Variants in CCDC148 observed in about 807,000 individuals in gnomAD.
CCDC148 encodes coiled-coil domain containing 148.
Under a neutral mutation model 85.7 loss-of-function variants are expected in CCDC148, and 89 were observed. The observed-to-expected ratio is 1.04, with a 90% CI of 0.87 to 1.24. The LOEUF (loss-of-function observed/expected upper bound fraction) is 1.24. Ranked by LOEUF, CCDC148 falls within the 50% of genes most tolerant of loss-of-function variation. The pLI is 0.00. For missense variants in CCDC148, 692 were observed against 671.7 expected (o/e 1.03, Z -0.33); for synonymous variants, 230 against 213.9 (o/e 1.08, Z -0.66).
At chr2:158,289,977 T>C (rs1185874025) in intron 9 of CCDC148, among the ~76,000 whole-genome samples, 1 of 152,154 alleles carries the variant, frequency 6.6e-6, no homozygotes, top group African/African-American at 2.4e-5. Context: ...GGGATGCATA[T>C]CCAGTGATAA....
At chr2:158,435,314 G>A (rs1687592245) in intron 1 of CCDC148, among the ~76,000 whole-genome samples, 1 of 152,156 alleles carries the variant, frequency 6.6e-6, no homozygotes, top group African/African-American at 2.4e-5. Context: ...GAGAGTGGGG[G>A]CCAATACTCC....
At chr2:158,203,503 C>A (rs1198973012) in intron 11 of CCDC148, among the ~76,000 whole-genome samples, 1 of 151,886 alleles carries the variant, frequency 6.6e-6, no homozygotes. Context: ...CATACTCCCT[C>A]CAAAAAGAAC....
intron 10 of CCDC148, among the ~76,000 whole-genome samples, chr2:158,238,812 A>G (rs116555475): frequency 0.011 from 1,660 of 152,316 alleles, 25 homozygotes; most frequent in African/African-American, 0.032. Context: ...AAGCCATTAA[A>G]GCGACCCGAA....
chr2:158,203,438 G>A (rs79122799), intron 11 of CCDC148, among the ~76,000 whole-genome samples: 199 of 152,250 alleles, frequency 1.3e-3, no homozygotes, highest in African/African-American at 4.5e-3. Context: ...CCTCTGGCCA[G>A]TGAGGATTTT....
At chr2:158,444,239 A>G (rs908810905) in intron 1 of CCDC148, among the ~76,000 whole-genome samples, 2 of 152,168 alleles carry the variant, frequency 1.3e-5, no homozygotes, top group Admixed American at 1.3e-4. Flanking sequence ...GAAATGACTG[A>G]ATCTTATTAA....
chr2:158,317,109 T>A (rs1460757360), intron 7 of CCDC148, among the ~76,000 whole-genome samples: 3 of 152,194 alleles, frequency 2.0e-5, no homozygotes, highest in African/African-American at 7.2e-5. Flanking sequence ...AATATTCTCA[T>A]CTCTTATCTA....
At chr2:158,334,031 C>A (rs1359041733) in intron 7 of CCDC148, among the ~76,000 whole-genome samples, 2 of 152,096 alleles carry the variant, frequency 1.3e-5, no homozygotes, top group Non-Finnish European at 2.9e-5. Context: ...CTTTTATTCT[C>A]CTGCTGCCAG....
intron 1 of CCDC148, among the ~76,000 whole-genome samples, chr2:158,440,952 C>T (rs1445699258): frequency 6.6e-6 from 1 of 152,106 alleles, no homozygotes; most frequent in African/African-American, 2.4e-5. Context: ...GAGGCTGAGT[C>T]AGGAGCATTG....
intron 10 of CCDC148, among the ~76,000 whole-genome samples, chr2:158,248,431 A>G (rs375942069): frequency 1.3e-5 from 2 of 152,334 alleles, no homozygotes; most frequent in East Asian, 3.9e-4. Context: ...TTATAAATGA[A>G]AAAGTATTTT....
intron 1 of CCDC148, among the ~76,000 whole-genome samples, chr2:158,398,711 A>G (rs1685639669): frequency 6.6e-6 from 1 of 152,208 alleles, no homozygotes; most frequent in African/African-American, 2.4e-5. Flanking sequence ...CACAATTAAA[A>G]GAACAAGAGA....
At chr2:158,215,255 G>T (rs1250219990) in intron 11 of CCDC148, among the ~76,000 whole-genome samples, 1 of 152,178 alleles carries the variant, frequency 6.6e-6, no homozygotes, top group Non-Finnish European at 1.5e-5. Flanking sequence ...ATTAAAATAA[G>T]TTCCAGATGG....
At chr2:158,352,696 C>A (rs1425386768) in intron 2 of CCDC148, among the ~76,000 whole-genome samples, 2 of 151,578 alleles carry the variant, frequency 1.3e-5, no homozygotes, top group Non-Finnish European at 2.9e-5. Context: ...GCAAGGCAGG[C>A]CAATGTTCAG....
chr2:158,258,338 C>T (rs537290787), intron 9 of CCDC148, among the ~76,000 whole-genome samples: 2 of 151,794 alleles, frequency 1.3e-5, no homozygotes, highest in Non-Finnish European at 2.9e-5. Context: ...TAAAGACCAA[C>T]GTTTTTATGT....
intron 11 of CCDC148, among the ~76,000 whole-genome samples, chr2:158,208,817 A>G (rs1359833797): frequency 6.6e-6 from 1 of 152,186 alleles, no homozygotes; most frequent in Non-Finnish European, 1.5e-5. Context: ...TTACCACAAA[A>G]TTTAACTAGA....
chr2:158,306,637 T>C (rs1313393659), intron 9 of CCDC148, among the ~76,000 whole-genome samples: 8 of 151,162 alleles, frequency 5.3e-5, no homozygotes, highest in East Asian at 2.0e-4. Context: ...ACGAGAACAC[T>C]TGGACACAGG....
In CCDC148 at chr2:158,178,909, T is replaced by G. The variant is rs1302385090; in HGVS notation, c.1458A>C (p.Arg486Ser). Residue 486 changes from arginine to serine, a missense_variant, in exon 12 of 14, where the codon AGA (arginine) becomes AGC (serine). Physicochemically the swap from Arg to Ser is moderately radical, Grantham distance 110 (BLOSUM62 -1). Transcript: ENST00000283233. Reference sequence around the variant, plus strand: ...TCCTAAGGGCTTCTAGCCGCCGTGCTCTCTCTTTGTCTTCATGAGCTTCTT... The same window carrying G: ...TCCTAAGGGCTTCTAGCCGCCGTGCGCTCTCTTTGTCTTCATGAGCTTCTT... ...ALQEAHEDKE[R>S]ARRLEALRKQ... 1.2e-6 allele frequency: 2 copies of G among 1,613,534 alleles called. No individual in the cohort carries two copies. Among genetic ancestry groups the G allele is most frequent in the South Asian group, 2.2e-5 (2 of 91,014 alleles).
chr2:158,232,226 C>T (rs1687889869), intron 10 of CCDC148, among the ~76,000 whole-genome samples: 1 of 151,990 alleles, frequency 6.6e-6, no homozygotes, highest in Admixed American at 6.6e-5. Context: ...TTCACAGTCC[C>T]ACATTTTGTT....
chr2:158,208,392 A>C (rs978537142), intron 11 of CCDC148, among the ~76,000 whole-genome samples: 2 of 152,106 alleles, frequency 1.3e-5, no homozygotes, highest in East Asian at 3.9e-4. Context: ...AGAAATCCCC[A>C]CTGTAAGCTG....
chr2:158,289,348 A>G (rs1168931134), intron 9 of CCDC148, among the ~76,000 whole-genome samples: 1 of 152,226 alleles, frequency 6.6e-6, no homozygotes, highest in Non-Finnish European at 1.5e-5. Flanking sequence ...AATATGCAAA[A>G]TATTTAATGA....
Sources: allele counts gnomAD v4.1 joint callset (sites outside exome capture counted in the v4.1 genomes callset), GRCh38; gene constraint gnomAD v4.1.1; transcripts MANE v1.5; gene names NCBI Gene and HGNC (gene_info 2026-07-23, HGNC 2026-07-21).